Variants in EXOC4 observed in about 807,000 individuals in gnomAD.
The protein encoded by EXOC4 is exocyst complex component 4.
Under a neutral mutation model 107.2 loss-of-function variants are expected in EXOC4, and 71 were observed. That is an observed-to-expected ratio of 0.66 (90% CI 0.55 to 0.81). EXOC4 has a LOEUF of 0.81. Among genes scored for constraint, EXOC4 ranks in the 30% least tolerant of loss-of-function variants. The probability of loss-of-function intolerance (pLI) is 0.00; values close to 1 mark genes in which losing one functional copy is unlikely to be tolerated. For synonymous variants in EXOC4, 456 were observed against 441.2 expected (o/e 1.03, Z -0.42); for missense variants, 1,108 against 1,189.6 (o/e 0.93, Z 1.01).
chr7:133,368,561 T>G (rs1796295940), intron 6 of EXOC4, among the ~76,000 whole-genome samples: 1 of 152,198 alleles, frequency 6.6e-6, no homozygotes, highest in Non-Finnish European at 1.5e-5. Flanking sequence ...TATATATTTT[T>G]GTATGTAGCT....
chr7:133,373,157 C>T (rs550090085), intron 6 of EXOC4, among the ~76,000 whole-genome samples: 70 of 152,166 alleles, frequency 4.6e-4, no homozygotes, highest in South Asian at 3.5e-3. Context: ...AGTTTTATAC[C>T]GATTATTTCC....
chr7:133,439,313 T>C lies in EXOC4; in HGVS notation c.1183-36015T>C, dbSNP rs1798053487. Among the ~76,000 whole-genome samples, 4 of 149,394 alleles carry C rather than the reference T, an allele frequency of 2.7e-5. No individual in the cohort carries two copies. In the South Asian group the frequency reaches 8.6e-4, roughly 32 times the overall value. ...AATTCTCCTGCCTCAGCCTCCCAAGTAGCTGGGATTACAGGCCCCCGCCAC... is the reference window on the plus strand; with the variant it reads ...AATTCTCCTGCCTCAGCCTCCCAAGCAGCTGGGATTACAGGCCCCCGCCAC... On this transcript the variant is annotated intron_variant, in intron 7 of 17. Transcript: ENST00000253861.
Position 133,895,717 on chromosome 7 carries a change from C to T in EXOC4, c.1853C>T (p.Thr618Ile), listed in dbSNP as rs1252120860. The T allele has an allele frequency of 6.2e-7, 1 of 1,614,062 alleles. No individual in the cohort carries two copies. Among genetic ancestry groups the T allele is most frequent in the African/African-American group, 1.3e-5 (1 of 75,044 alleles). The change falls in exon 12 of 18, where the codon ACC (threonine) becomes ATC (isoleucine). Residue 618 changes from threonine to isoleucine, a missense_variant. Thr to Ile is a moderately conservative substitution (Grantham distance 89). Coordinates refer to ENST00000253861, the MANE Select transcript of EXOC4 (RefSeq NM_021807.4). ...VCVKLQEYKD[T>I]CTAAYRGIVQ... ...GTGAAGCTCCAGGAGTACAAGGACA[C>T]CTGCACTGCAGCTTACAGGTAGAGC...
rs79291576 is a variant in EXOC4, at chr7:133,838,780, G to A, written c.1734+21236G>A. 4.5e-3 allele frequency among the ~76,000 whole-genome samples: 689 copies of A among 152,250 alleles called. 4 individuals carry two copies. The highest frequency in any genetic ancestry group is 0.015 in the African/African-American group (618 of 41,534). On this transcript the variant is annotated intron_variant, in intron 11 of 17. Transcript: ENST00000253861. ...TATTTTCAGCCTTGTGGTTTATATC[G>A]TCTCTGTTTGATTGTGCCATCGTAG...
At chr7:133,947,933 A>G (rs1216727615) in intron 14 of EXOC4, among the ~76,000 whole-genome samples, 1 of 152,234 alleles carries the variant, frequency 6.6e-6, no homozygotes, top group Non-Finnish European at 1.5e-5. Context: ...TCTCTGGGAA[A>G]GAGGAGAGAC....
chr7:133,806,717 A>G (rs1462847717), intron 10 of EXOC4, among the ~76,000 whole-genome samples: 1 of 152,160 alleles, frequency 6.6e-6, no homozygotes, highest in Non-Finnish European at 1.5e-5. Flanking sequence ...GAAGTCTGGC[A>G]TGGTCTCTGG....
chr7:133,990,958 G>C (rs1325607665), intron 14 of EXOC4, among the ~76,000 whole-genome samples: 1 of 152,120 alleles, frequency 6.6e-6, no homozygotes, highest in East Asian at 1.9e-4. Flanking sequence ...TGAGATTGCT[G>C]GCTCATATAG....
chr7:133,354,762 G>A (rs1468403939), intron 5 of EXOC4, among the ~76,000 whole-genome samples: 1 of 152,192 alleles, frequency 6.6e-6, no homozygotes, highest in Non-Finnish European at 1.5e-5. Context: ...TCCAGGAACA[G>A]GTACAGGGAT....
intron 7 of EXOC4, among the ~76,000 whole-genome samples, chr7:133,465,278 T>C (rs1019580749): frequency 1.3e-5 from 2 of 152,218 alleles, no homozygotes; most frequent in Non-Finnish European, 2.9e-5. Context: ...AATATACTTT[T>C]GGATGTTGAG....
At chr7:133,674,189 G>A (rs764423755) in intron 10 of EXOC4, among the ~76,000 whole-genome samples, 10 of 152,102 alleles carry the variant, frequency 6.6e-5, no homozygotes, top group Admixed American at 2.6e-4. Context: ...GTAGTTTATA[G>A]TCAAAAGCTA....
chr7:134,057,699 C>T (rs1795963985), intron 17 of EXOC4, among the ~76,000 whole-genome samples: 1 of 152,086 alleles, frequency 6.6e-6, no homozygotes, highest in Non-Finnish European at 1.5e-5. Context: ...ATTGCTACTG[C>T]GTCTTGTCTA....
rs149173495 is a variant in EXOC4 at position 133,846,491 on chromosome 7, C to T, written c.1734+28947C>T. ...TGGCGTTCATCCTGTAGTGTTCCTA[C>T]GGGTTTAGGGAGTCCCTTTCCAGTA... On this transcript the variant is annotated intron_variant, in intron 11 of 17. Transcript: ENST00000253861. 3.5e-4 allele frequency among the ~76,000 whole-genome samples: 54 copies of T among 152,260 alleles called. No individual in the cohort carries two copies. In the East Asian group the frequency reaches 8.1e-3, roughly 23 times the overall value.
chr7:133,681,206 G>T lies in EXOC4; in HGVS notation c.1514+51065G>T, dbSNP rs545336336. On this transcript the variant is annotated intron_variant, in intron 10 of 17. Transcript: ENST00000253861. ...CTGCTGACCCAAGAAAAAAAGAATT[G>T]TTTGTGCTGTTGTTTTGAATAAATA... Among the ~76,000 whole-genome samples the T allele has an allele frequency of 5.9e-5, 9 of 152,270 alleles. No individual in the cohort carries two copies. In the East Asian group the frequency reaches 9.6e-4, roughly 16 times the overall value.
chr7:134,089,725 CCT>C, the EXOC4 span, among the ~76,000 whole-genome samples: 1 of 152,146 alleles, frequency 6.6e-6, no homozygotes, highest in East Asian at 1.9e-4. Flanking sequence ...CCTAAACATC[CCT>C]TTTTTTAAAC....
At chr7:133,945,526 A>C (rs1238368640) in intron 14 of EXOC4, among the ~76,000 whole-genome samples, 3 of 152,180 alleles carry the variant, frequency 2.0e-5, no homozygotes, top group Admixed American at 6.5e-5. Flanking sequence ...ACTGTCACCC[A>C]AATCTGATTA....
At chr7:133,805,871 T>C (rs533744214) in intron 10 of EXOC4, among the ~76,000 whole-genome samples, 177 of 152,356 alleles carry the variant, frequency 1.2e-3, no homozygotes, top group African/African-American at 3.8e-3. Context: ...TAGGAGATTA[T>C]TTTAGGGAGG....
intron 9 of EXOC4, among the ~76,000 whole-genome samples, chr7:133,516,555 T>C (rs1799878742): frequency 1.3e-5 from 2 of 152,234 alleles, no homozygotes; most frequent in Non-Finnish European, 2.9e-5. Flanking sequence ...TGTATGGACA[T>C]TTTATATATC....
intron 14 of EXOC4, among the ~76,000 whole-genome samples, chr7:133,979,264 A>G (rs1383768342): frequency 6.6e-6 from 1 of 152,186 alleles, no homozygotes; most frequent in African/African-American, 2.4e-5. Flanking sequence ...TAGATTCAGA[A>G]TCATTACTGT....
chr7:133,921,686 T>G (rs929723569), intron 13 of EXOC4, among the ~76,000 whole-genome samples: 15 of 152,108 alleles, frequency 9.9e-5, no homozygotes, highest in African/African-American at 3.6e-4. Flanking sequence ...TCCTGCTTGG[T>G]GTTTTCTGAG....
Sources: allele counts gnomAD v4.1 joint callset (sites outside exome capture counted in the v4.1 genomes callset), GRCh38; gene constraint gnomAD v4.1.1; transcripts MANE v1.5; gene names NCBI Gene and HGNC (gene_info 2026-07-23, HGNC 2026-07-21).